GIT2: variants seen among roughly 807,000 people sequenced by gnomAD.
GIT2 encodes ARF GTPase-activating protein GIT2.
A neutral mutation model predicts 100.3 loss-of-function variants in GIT2; 32 were observed. The observed-to-expected ratio is 0.32, with a 90% CI of 0.24 to 0.43. GIT2 has a LOEUF of 0.43. Among genes scored for constraint, GIT2 ranks in the 20% least tolerant of loss-of-function variants. GIT2 has a pLI of 1.00. For synonymous variants in GIT2, 353 were observed against 364.1 expected (o/e 0.97, Z 0.35); for missense variants, 737 against 975.1 (o/e 0.76, Z 3.25).
chr12:109,939,397 A>G, intron 16 of GIT2, 150 bp from the exon 17 acceptor site: 2 of 565,150 alleles, frequency 3.5e-6, no homozygotes, highest in Non-Finnish European at 3.2e-6. Context: ...AAATTTAGTA[A>G]AAGATGAATA....
At position 109,952,516 on chromosome 12, in the gene GIT2, C is replaced by G. The variant is rs750808322; in HGVS notation, c.1242+576G>C. ...CTCTTCCGTCGGGTGTCATACCCCT[C>G]CTGCTGCAGCTTCGAGTCCCAACCT... On this transcript the variant is annotated intron_variant, in intron 13 of 19. Transcript: ENST00000355312. The G allele has an allele frequency of 5.8e-6, 3 of 519,068 alleles. No individual in the cohort carries two copies. In the Admixed American group the frequency reaches 5.8e-5, roughly 10 times the overall value. 32.2% of individuals were successfully genotyped at this position (519,068 alleles called of 1,614,324 possible).
chr12:109,983,312 C>A, intron 6 of GIT2, 61 bp downstream of exon 6: 2 of 1,496,094 alleles, frequency 1.3e-6, no homozygotes, highest in Admixed American at 1.8e-5. Context: ...AGCTACTTAA[C>A]AAGGAATCAC....
chr12:109,991,771 A>C lies in GIT2; in HGVS notation c.53-11T>G. On this transcript the variant is annotated splice_polypyrimidine_tract_variant and intron_variant, in intron 1 of 19. Coordinates refer to ENST00000355312, the MANE Select transcript of GIT2 (RefSeq NM_057169.5). ...ATGCCCAGGAAGGATCTGGAAAGAG[A>C]GTGAAATCTCAGTGGCAGGGATACC... 2 of 1,608,154 alleles carry C rather than the reference A, an allele frequency of 1.2e-6. No individual in the cohort carries two copies. The highest frequency in any genetic ancestry group is 1.7e-6 in the Non-Finnish European group (2 of 1,176,560).
chr12:110,000,030 T>C (rs1889868134), upstream of GIT2, among the ~76,000 whole-genome samples: 1 of 152,210 alleles, frequency 6.6e-6, no homozygotes, highest in South Asian at 2.1e-4. Flanking sequence ...ACTTTTCCAC[T>C]GGACAGAGAA....
At chr12:109,957,988 A>G (rs534509590) in intron 12 of GIT2, among the ~76,000 whole-genome samples, 25 of 151,762 alleles carry the variant, frequency 1.6e-4, no homozygotes, top group African/African-American at 6.0e-4. Context: ...TCTGTCACTC[A>G]GGCTGGAGTG....
chr12:109,972,010 AAT>A (rs1555231483), intron 7 of GIT2, among the ~76,000 whole-genome samples: 2,778 of 141,732 alleles, frequency 0.02, 49 homozygotes, highest in African/African-American at 0.055. Flanking sequence ...GGGAAAAAAA[AAT>A]ATATATATAT....
At chr12:109,935,737 G>A (rs1462839545) in intron 18 of GIT2, among the ~76,000 whole-genome samples, 1 of 152,104 alleles carries the variant, frequency 6.6e-6, no homozygotes, top group Non-Finnish European at 1.5e-5. Context: ...TTTCATTTTT[G>A]AGAAATACGA....
chr12:109,955,327 C>A (rs925990909), intron 12 of GIT2, among the ~76,000 whole-genome samples: 2 of 152,050 alleles, frequency 1.3e-5, no homozygotes, highest in Non-Finnish European at 2.9e-5. Context: ...GGGGTTTCAC[C>A]GTGTTAGCCA....
intron 7 of GIT2, among the ~76,000 whole-genome samples, chr12:109,969,967 G>A (rs975053944): frequency 5.9e-5 from 9 of 151,778 alleles, no homozygotes; most frequent in African/African-American, 2.2e-4. Context: ...TGTTGGCCAG[G>A]CTAGCCTCAA....
intron 11 of GIT2, among the ~76,000 whole-genome samples, chr12:109,960,317 G>A (rs982393533): frequency 6.6e-6 from 1 of 152,154 alleles, no homozygotes; most frequent in Non-Finnish European, 1.5e-5. Context: ...TTAATTTTGA[G>A]GGGAATTTTT....
intron 1 of GIT2, among the ~76,000 whole-genome samples, chr12:109,992,675 CTGTT>C (rs1056160795): frequency 5.8e-4 from 88 of 151,864 alleles, no homozygotes; most frequent in African/African-American, 2.0e-3. Flanking sequence ...GTTTGTTTGT[CTGTT>C]TGTTTGTTTT....
At chr12:109,939,520 C>T (rs962640747) in intron 16 of GIT2, 1 of 274,242 alleles carries the variant, frequency 3.6e-6, no homozygotes, top group African/African-American at 2.3e-5. Flanking sequence ...GCAACATATC[C>T]TCATTTAGTT....
At chr12:109,943,609 C>T (rs1033649187) in intron 16 of GIT2, among the ~76,000 whole-genome samples, 1 of 151,734 alleles carries the variant, frequency 6.6e-6, no homozygotes, top group African/African-American at 2.4e-5. Context: ...GCTGGGATTA[C>T]AGGCATGAGC....
intron 7 of GIT2, among the ~76,000 whole-genome samples, chr12:109,970,644 T>C (rs1470823134): frequency 6.6e-6 from 1 of 152,256 alleles, no homozygotes; most frequent in Admixed American, 6.5e-5. Context: ...TATATGTCTA[T>C]CTCTTCATAG....
intron 18 of GIT2, among the ~76,000 whole-genome samples, chr12:109,938,035 T>C (rs1873530294): frequency 6.6e-6 from 1 of 152,148 alleles, no homozygotes; most frequent in South Asian, 2.1e-4. Context: ...GCCTTGTCCT[T>C]AGCCAGGCCA....
At position 109,980,779 on chromosome 12, in the gene GIT2, T is replaced by C. The variant is rs969202186; in HGVS notation, c.718+173A>G. The C allele has an allele frequency of 3.6e-5, 22 of 610,620 alleles. No homozygotes were observed. In the African/African-American group the frequency reaches 3.8e-4, roughly 11 times the overall value. 37.8% of individuals were successfully genotyped at this position (610,620 alleles called of 1,614,324 possible). Reference sequence around the variant, plus strand: ...CTAAGGAGTTTTGTCCAACTTTATATCTTTTACATGTAACTGACAATTCTG... The same window carrying C: ...CTAAGGAGTTTTGTCCAACTTTATACCTTTTACATGTAACTGACAATTCTG... On this transcript the variant is annotated intron_variant, in intron 7 of 19. Transcript: ENST00000355312.
At chr12:109,990,076 A>G (rs1277070362) in intron 2 of GIT2, among the ~76,000 whole-genome samples, 2 of 152,230 alleles carry the variant, frequency 1.3e-5, no homozygotes, top group Non-Finnish European at 2.9e-5. Context: ...ACCTTAGAGC[A>G]GGGTTTCCCA....
At chr12:109,989,164 C>T (rs1374448517) in intron 3 of GIT2, 96 bp from the exon 4 acceptor site, 3 of 768,338 alleles carry the variant, frequency 3.9e-6, no homozygotes. Flanking sequence ...ACCCACATCC[C>T]CCACTTGAGA....
chr12:109,941,644 CCT>C (rs1230752870), intron 16 of GIT2, among the ~76,000 whole-genome samples: 1 of 151,808 alleles, frequency 6.6e-6, no homozygotes, highest in African/African-American at 2.4e-5. Context: ...GCCTCGGCCC[CCT>C]GAGTAGCTGG....
Sources: allele counts gnomAD v4.1 joint callset (sites outside exome capture counted in the v4.1 genomes callset), GRCh38; gene constraint gnomAD v4.1.1; transcripts MANE v1.5; gene names NCBI Gene and HGNC (gene_info 2026-07-23, HGNC 2026-07-21).